CIT: variants seen among roughly 807,000 people sequenced by gnomAD.
The protein encoded by CIT is citron rho-interacting serine/threonine kinase, also known as citron Rho-interacting kinase.
Under a neutral mutation model 272.7 loss-of-function variants are expected in CIT, and 79 were observed. The observed-to-expected ratio is 0.29, with a 90% CI of 0.24 to 0.35. The LOEUF is 0.35. CIT is among the 10% of genes least tolerant of loss of function. The probability of loss-of-function intolerance (pLI) is 1.00; values close to 1 mark genes in which losing one functional copy is unlikely to be tolerated. For synonymous variants in CIT, 948 were observed against 995.6 expected (o/e 0.95, Z 0.90); for missense variants, 1,909 against 2,618.3 (o/e 0.73, Z 5.91).
In CIT at chr12:119,750,017, C is replaced by T. The variant is rs570724536; in HGVS notation, c.2904+2033G>A. The stretch of plus-strand genomic sequence containing the variant: ...TCCTTCTCGGCTGCTCTGAAATAAA[C>T]GGATTTGAGGAATTACAGACCAATC... On this transcript the variant is annotated intron_variant, in intron 23 of 47. Transcript: ENST00000392521. Among the ~76,000 whole-genome samples, 11 of 152,210 alleles carry T rather than the reference C, an allele frequency of 7.2e-5. No individual in the cohort carries two copies. The South Asian group carries it at 1.2e-3, about 17-fold the overall frequency.
chr12:119,768,851 T>C lies in CIT; in HGVS notation c.2209-1669A>G, dbSNP rs1290922183. ...GCAAATATTTTAAAGCCAATGACAT[T>C]TGGCGATGTATGTTCAGGCATCATC... On this transcript the variant is annotated intron_variant, in intron 18 of 47. Transcript: ENST00000392521. The surrounding 1 kb of genome is among the most constrained non-coding windows in gnomAD (Gnocchi z 4.3). Among the ~76,000 whole-genome samples, 1 of 152,164 alleles carries C rather than the reference T, an allele frequency of 6.6e-6. No homozygotes were observed. The highest frequency in any genetic ancestry group is 1.5e-5 in the Non-Finnish European group (1 of 68,026).
chr12:119,724,797 G>A (rs907978085), intron 28 of CIT, among the ~76,000 whole-genome samples: 3 of 151,808 alleles, frequency 2.0e-5, no homozygotes, highest in African/African-American at 7.3e-5. Context: ...AAATTAGCCG[G>A]GCGTGATAGC....
intron 26 of CIT, among the ~76,000 whole-genome samples, chr12:119,732,969 T>C (rs375087319): frequency 7.9e-5 from 12 of 152,334 alleles, no homozygotes; most frequent in African/African-American, 2.9e-4. Flanking sequence ...TTTCTTTCCA[T>C]CTGTGAAATG....
chr12:119,861,279 A>G (rs1332439635), intron 3 of CIT, among the ~76,000 whole-genome samples: 1 of 151,684 alleles, frequency 6.6e-6, no homozygotes, highest in Non-Finnish European at 1.5e-5. Flanking sequence ...TAAGGACCCA[A>G]AACACTGTGA....
Position 119,705,101 on chromosome 12 carries a change from T to TG in CIT, c.5212-647dup, listed in dbSNP as rs369797639. ...CCAATTTTTGTATTTTAAGTACAGA[T>TG]GGGGTTTTGCCATGTTGGCCAGGCT... On this transcript the variant is annotated intron_variant, in intron 40 of 47. Coordinates refer to ENST00000392521, the MANE Select transcript of CIT (RefSeq NM_001206999.2). Among the ~76,000 whole-genome samples, 98 of 152,102 alleles carry TG rather than the reference T, an allele frequency of 6.4e-4. No homozygotes were observed. In the East Asian group the frequency reaches 9.7e-3, roughly 15 times the overall value.
chr12:119,704,306 G>A lies in CIT; in HGVS notation c.5304+57C>T, dbSNP rs966276968. On this transcript the variant is annotated intron_variant, in intron 41 of 47. Coordinates refer to ENST00000392521, the MANE Select transcript of CIT (RefSeq NM_001206999.2). ...GACAGTGCACTTTCCACACTGGCTC[G>A]CTGAGAGAGCAGGACTGGCTTTCCC... is the stretch of plus-strand genomic sequence containing the variant. The A allele has an allele frequency of 4.6e-5, 70 of 1,508,904 alleles. No individual in the cohort carries two copies. In the African/African-American group the frequency reaches 7.0e-4, roughly 15 times the overall value. 93.5% of individuals were successfully genotyped at this position (1,508,904 alleles called of 1,614,324 possible).
At chr12:119,869,298 T>A in intron 2 of CIT, 97 bp from the exon 3 acceptor site, 1 of 1,213,928 alleles carries the variant, frequency 8.2e-7, no homozygotes, top group Non-Finnish European at 1.1e-6. Context: ...CCAACTCAAC[T>A]AACTGCTCAC....
chr12:119,709,823 T>A (rs1957072171), intron 39 of CIT, among the ~76,000 whole-genome samples: 2 of 140,714 alleles, frequency 1.4e-5, no homozygotes, highest in African/African-American at 2.9e-5. Context: ...TGTGTGTGTG[T>A]GTGTGTGTGT....
At chr12:119,753,470 C>T (rs1179923016) in intron 22 of CIT, among the ~76,000 whole-genome samples, 2 of 152,266 alleles carry the variant, frequency 1.3e-5, no homozygotes, top group African/African-American at 2.4e-5. Flanking sequence ...GGTGCAATGG[C>T]TCACACCTGT....
At position 119,778,425 on chromosome 12, in the gene CIT, G is replaced by T. The variant is rs78475558; in HGVS notation, c.1666-1583C>A. On this transcript the variant is annotated intron_variant, in intron 13 of 47. Transcript: ENST00000392521. Reference sequence around the variant, plus strand: ...GGTGAGGACGAGAGAGATACAAAACGAAATGAACAAGGAATTGAATCAAGA... The same window carrying T: ...GGTGAGGACGAGAGAGATACAAAACTAAATGAACAAGGAATTGAATCAAGA... Among the ~76,000 whole-genome samples, 8 of 152,206 alleles carry T rather than the reference G, an allele frequency of 5.3e-5. No homozygotes were observed. The East Asian group carries it at 1.5e-3, about 29-fold the overall frequency.
Position 119,865,162 on chromosome 12 carries a change from C to G in CIT, c.238+3898G>C, listed in dbSNP as rs551769329. Reference sequence around the variant, plus strand: ...CCTCTTCAAAAATATGAAACATTTCCCTGGAAGAGGGGTCTATTAGAAAAA... The same window carrying G: ...CCTCTTCAAAAATATGAAACATTTCGCTGGAAGAGGGGTCTATTAGAAAAA... On this transcript the variant is annotated intron_variant, in intron 3 of 47. Coordinates refer to ENST00000392521, the MANE Select transcript of CIT (RefSeq NM_001206999.2). 2.6e-5 allele frequency among the ~76,000 whole-genome samples: 4 copies of G among 152,286 alleles called. No homozygotes were observed. The South Asian group carries it at 8.3e-4, about 32-fold the overall frequency.
At chr12:119,861,047 G>T (rs1400555298) in intron 3 of CIT, among the ~76,000 whole-genome samples, 3 of 151,818 alleles carry the variant, frequency 2.0e-5, no homozygotes, top group Non-Finnish European at 4.4e-5. Flanking sequence ...CTTGAACCAG[G>T]GAGACAGAGG....
At chr12:119,829,344 AAGAAGAGAAGAGAAGAGAAG>A (rs58685524) in intron 7 of CIT, among the ~76,000 whole-genome samples, 4,763 of 133,406 alleles carry the variant, frequency 0.036, 113 homozygotes, top group Non-Finnish European at 0.04. Flanking sequence ...CTTGAAAGAA[AAGAAGAGAAGAGAAGAGAAG>A]AGAAGAGAAG....
intron 26 of CIT, among the ~76,000 whole-genome samples, chr12:119,731,428 T>A (rs1383322145): frequency 7.2e-6 from 1 of 139,372 alleles, no homozygotes; most frequent in Non-Finnish European, 1.5e-5. Flanking sequence ...TGAGCCGAGA[T>A]GGCACCACTG....
At position 119,784,901 on chromosome 12, in the gene CIT, G is replaced by A; in HGVS notation, c.1401+59C>T. On this transcript the variant is annotated intron_variant, in intron 11 of 47. Coordinates refer to ENST00000392521, the MANE Select transcript of CIT (RefSeq NM_001206999.2). The surrounding 1 kb of genome is among the most constrained non-coding windows in gnomAD (Gnocchi z 4.7). ...GCAGCGGCCCCGGGCGGATCCCTTG[G>A]CATATACGGACGGGAGGATCCTGGA... The A allele has an allele frequency of 6.3e-7, 1 of 1,597,880 alleles. No homozygotes were observed.
At chr12:119,812,842 AAAG>A (rs1966864811) in intron 9 of CIT, among the ~76,000 whole-genome samples, 3 of 151,740 alleles carry the variant, frequency 2.0e-5, no homozygotes, top group South Asian at 2.1e-4. Flanking sequence ...CTCCTCCAAT[AAAG>A]AAGAAGGAGG....
chr12:119,759,732 C>T (rs539601851), intron 20 of CIT, among the ~76,000 whole-genome samples: 1 of 152,274 alleles, frequency 6.6e-6, no homozygotes, highest in African/African-American at 2.4e-5. Context: ...ACCATCCCCC[C>T]ACCCCTGTGG....
At position 119,816,043 on chromosome 12, in the gene CIT, T is replaced by C. The variant is rs114187744; in HGVS notation, c.1111+6777A>G. ...CCTCATTTGTATTGTGGACTAGTGA[T>C]AGGACCTGCCTCACAGAGGTTTGGG... On this transcript the variant is annotated intron_variant, in intron 9 of 47. Transcript: ENST00000392521. 6.6e-3 allele frequency among the ~76,000 whole-genome samples: 1,008 copies of C among 152,298 alleles called. 7 individuals carry two copies. The highest frequency in any genetic ancestry group is 0.023 in the African/African-American group (950 of 41,550).
intron 7 of CIT, among the ~76,000 whole-genome samples, chr12:119,830,972 C>G (rs1349512030): frequency 6.6e-6 from 1 of 152,186 alleles, no homozygotes; most frequent in Non-Finnish European, 1.5e-5. Context: ...CTCCAGCGAT[C>G]CTACTGTCTT....
Sources: allele counts gnomAD v4.1 joint callset (sites outside exome capture counted in the v4.1 genomes callset), GRCh38; gene constraint gnomAD v4.1.1; non-coding constraint Gnocchi (gnomAD v3.1); transcripts MANE v1.5; gene names NCBI Gene and HGNC (gene_info 2026-07-23, HGNC 2026-07-21).